The following ALKBH8 variants were observed in gnomAD, a reference collection of about 807,000 sequenced individuals.
ALKBH8 encodes alkB homolog 8, tRNA methyltransferase.
In ALKBH8, 36 loss-of-function variants were observed where a neutral mutation model predicts 59.8. The ratio of observed to expected loss-of-function variants is 0.60; its 90% CI spans 0.46 to 0.79. ALKBH8 has a LOEUF of 0.79. ALKBH8 is among the 30% of genes least tolerant of loss of function. ALKBH8 has a pLI of 0.00. For synonymous variants in ALKBH8, 276 were observed against 273.6 expected (o/e 1.01, Z -0.09); for missense variants, 768 against 801.0 (o/e 0.96, Z 0.50).
intron 8 of ALKBH8, among the ~76,000 whole-genome samples, chr11:107,529,511 TC>T (rs113289374): frequency 0.25 from 38,001 of 149,400 alleles, 4,862 homozygotes; most frequent in South Asian, 0.37. Context: ...ATCTCCTACT[TC>T]TTTTTTTTTT....
intron 7 of ALKBH8, among the ~76,000 whole-genome samples, chr11:107,541,490 A>T (rs968210932): frequency 5.3e-5 from 8 of 152,230 alleles, no homozygotes; most frequent in South Asian, 2.1e-4. Flanking sequence ...TTGCACTGGA[A>T]TATTTAATTG....
intron 10 of ALKBH8, among the ~76,000 whole-genome samples, chr11:107,515,995 G>A (rs942132428): frequency 1.3e-5 from 2 of 151,960 alleles, no homozygotes; most frequent in Non-Finnish European, 2.9e-5. Flanking sequence ...TTCAAAATAG[G>A]GAAAACACTA....
intron 10 of ALKBH8, 111 bp from the exon 11 acceptor site, chr11:107,511,147 G>T: frequency 1.8e-6 from 2 of 1,108,352 alleles, no homozygotes; most frequent in Non-Finnish European, 2.6e-6. Context: ...TATTCATTGT[G>T]AAATGGTCTG....
intron 10 of ALKBH8, among the ~76,000 whole-genome samples, chr11:107,515,359 T>C (rs1591255554): frequency 6.6e-6 from 1 of 152,148 alleles, no homozygotes; most frequent in South Asian, 2.1e-4. Flanking sequence ...GCTTAAAATG[T>C]ATACTCTTTT....
intron 7 of ALKBH8, among the ~76,000 whole-genome samples, chr11:107,542,979 C>T (rs1056343512): frequency 6.6e-6 from 1 of 152,108 alleles, no homozygotes; most frequent in Non-Finnish European, 1.5e-5. Flanking sequence ...GAGCAGGAAA[C>T]CCAGAAAGAG....
chr11:107,523,359 G>A (rs1324147530), intron 9 of ALKBH8, among the ~76,000 whole-genome samples: 1 of 151,970 alleles, frequency 6.6e-6, no homozygotes, highest in Non-Finnish European at 1.5e-5. Flanking sequence ...AGACAGAGAA[G>A]GCAAATACTA....
chr11:107,513,273 C>T lies in ALKBH8; in HGVS notation c.1288-2237G>A, dbSNP rs144855065. ...ACAGATACTTTTCAAAAGACATACA[C>T]GTGGCCAACAAGCATATGAAAAAAG... On this transcript the variant is annotated intron_variant, in intron 10 of 11. Transcript: ENST00000428149. Among the ~76,000 whole-genome samples, 121 of 152,194 alleles carry T rather than the reference C, an allele frequency of 8.0e-4. 1 individual carries two copies. Among genetic ancestry groups the T allele is most frequent in the Non-Finnish European group, 1.1e-3 (73 of 68,002 alleles).
chr11:107,506,087 G>C (rs1862373293), intron 11 of ALKBH8, among the ~76,000 whole-genome samples: 1 of 152,204 alleles, frequency 6.6e-6, no homozygotes, highest in South Asian at 2.1e-4. Flanking sequence ...GCCAATGTTA[G>C]AGAGACAGAC....
chr11:107,556,898 T>C lies in ALKBH8; in HGVS notation c.235A>G (p.Asn79Asp), dbSNP rs1292591650. The C allele has an allele frequency of 6.2e-7, 1 of 1,612,162 alleles. No individual in the cohort carries two copies. The highest frequency in any genetic ancestry group is 8.5e-7 in the Non-Finnish European group (1 of 1,179,110). ...GLVDALLMPP[N>D]KPYSFARYRT... ...TATCTTGCAAATGAGTACGGCTTGT[T>C]AGGTGGCATTAAGAGAGCATCCACC... The change falls in exon 3 of 12, where the codon AAC becomes GAC. Residue 79 changes from asparagine to aspartate, a missense_variant. Transcript: ENST00000428149.
In ALKBH8 at chr11:107,545,900, G is replaced by C. The variant is rs547606355; in HGVS notation, c.771+3853C>G. Among the ~76,000 whole-genome samples, 19 of 152,292 alleles carry C rather than the reference G, an allele frequency of 1.2e-4. No homozygotes were observed. The South Asian group carries it at 3.9e-3, about 32-fold the overall frequency. On this transcript the variant is annotated intron_variant, in intron 7 of 11. Coordinates refer to ENST00000428149, the MANE Select transcript of ALKBH8 (RefSeq NM_138775.3). ...CCATTAAACATCTGAAAATCTGGCAGAGTCAGGACTTTCACAACGAAGAGA... is the reference window on the plus strand; with the variant it reads ...CCATTAAACATCTGAAAATCTGGCACAGTCAGGACTTTCACAACGAAGAGA...
At chr11:107,542,891 C>T (rs1864101184) in intron 7 of ALKBH8, among the ~76,000 whole-genome samples, 2 of 152,078 alleles carry the variant, frequency 1.3e-5, no homozygotes, top group African/African-American at 4.8e-5. Flanking sequence ...GCCTGGGCAA[C>T]AGAGCAAGAT....
At chr11:107,556,125 A>C (rs1207296917) in intron 3 of ALKBH8, among the ~76,000 whole-genome samples, 2 of 152,152 alleles carry the variant, frequency 1.3e-5, no homozygotes, top group East Asian at 3.9e-4. Flanking sequence ...TAAAAATACA[A>C]AAATTAGCCA....
intron 7 of ALKBH8, among the ~76,000 whole-genome samples, chr11:107,537,032 T>C (rs1863845817): frequency 6.6e-6 from 1 of 152,226 alleles, no homozygotes; most frequent in East Asian, 1.9e-4. Context: ...TGTCATCACC[T>C]ATGGTGAGGC....
At chr11:107,524,071 G>A (rs180848668) in intron 9 of ALKBH8, among the ~76,000 whole-genome samples, 3 of 151,210 alleles carry the variant, frequency 2.0e-5, no homozygotes, top group South Asian at 2.1e-4. Flanking sequence ...CTGTTTTTTC[G>A]TTTTGAGACA....
intron 1 of ALKBH8, among the ~76,000 whole-genome samples, chr11:107,561,263 C>T (rs537133): frequency 0.34 from 51,511 of 151,580 alleles, 8,927 homozygotes; most frequent in Middle Eastern, 0.37. Flanking sequence ...GGCAGGGGAG[C>T]GGTGGGGGGA....
chr11:107,504,856 C>G lies in ALKBH8; in HGVS notation c.1797G>C (p.Lys599Asn). Residue 599 changes from lysine to asparagine, a missense_variant, in exon 12 of 12, where the codon AAG becomes AAC. Physicochemically the swap from Lys to Asn is moderately conservative, Grantham distance 94. Coordinates refer to ENST00000428149, the MANE Select transcript of ALKBH8 (RefSeq NM_138775.3). ...CAGGTTTGCCTTTATCAGGATTTCCCTTAAGGTGCCAGGGAACCAGTACAT... is the reference window on the plus strand; with the variant it reads ...CAGGTTTGCCTTTATCAGGATTTCCGTTAAGGTGCCAGGGAACCAGTACAT... Reference protein sequence around the residue: ...SQDVLVPWHLKGNPDKGKPVE... With the variant: ...SQDVLVPWHLNGNPDKGKPVE... 5 of 1,551,730 alleles carry G rather than the reference C, an allele frequency of 3.2e-6. No homozygotes were observed. The highest frequency in any genetic ancestry group is 4.4e-6 in the Non-Finnish European group (5 of 1,146,976).
At chr11:107,565,495 G>C (rs1865095489) in intron 1 of ALKBH8, 106 bp downstream of exon 1, 3 of 1,497,006 alleles carry the variant, frequency 2.0e-6, no homozygotes, top group Non-Finnish European at 2.7e-6. Context: ...CTTTCCCTAG[G>C]TTCTCAGCCC....
intron 7 of ALKBH8, among the ~76,000 whole-genome samples, chr11:107,542,665 T>C (rs1445312824): frequency 1.3e-5 from 2 of 152,200 alleles, no homozygotes; most frequent in Non-Finnish European, 2.9e-5. Flanking sequence ...TCCCAGCACC[T>C]TGGGATGCCA....
intron 8 of ALKBH8, among the ~76,000 whole-genome samples, chr11:107,527,978 G>A (rs1159056431): frequency 6.6e-6 from 1 of 152,006 alleles, no homozygotes; most frequent in Non-Finnish European, 1.5e-5. Flanking sequence ...TTAACGCAAT[G>A]AAGAAGTTCC....
Sources: allele counts gnomAD v4.1 joint callset (sites outside exome capture counted in the v4.1 genomes callset), GRCh38; gene constraint gnomAD v4.1.1; transcripts MANE v1.5; gene names NCBI Gene and HGNC (gene_info 2026-07-23, HGNC 2026-07-21).